The following NARS2 variants were observed in gnomAD, a reference collection of about 807,000 sequenced individuals.
NARS2 encodes asparaginyl-tRNA synthetase 2, mitochondrial, also known as asparaginyl-tRNA synthetase.
In NARS2, 60 loss-of-function variants were observed where a neutral mutation model predicts 62.9. The observed-to-expected ratio is 0.95, with a 90% CI of 0.77 to 1.18. The LOEUF (loss-of-function observed/expected upper bound fraction) is 1.18, where lower values mean the gene tolerates loss of function less well. NARS2 is among the 50% of genes most tolerant of loss of function. The pLI, the probability that NARS2 is intolerant of heterozygous loss-of-function variation, is 0.00. For synonymous variants in NARS2, 196 were observed against 200.0 expected, an observed-to-expected ratio of 0.98 and a Z score of 0.17; for missense variants, 619 against 576.4, an observed-to-expected ratio of 1.07 and a Z score of -0.76.
At chr11:78,493,790 T>C (rs1859934838) in intron 6 of NARS2, among the ~76,000 whole-genome samples, 1 of 152,128 alleles carries the variant, frequency 6.6e-6, no homozygotes, top group African/African-American at 2.4e-5. Context: ...TAACCACTTC[T>C]GGGTGCACTC....
At chr11:78,441,037 G>A (rs907571221) in intron 13 of NARS2, 54 bp downstream of exon 13, 1 of 1,549,992 alleles carries the variant, frequency 6.5e-7, no homozygotes, top group Non-Finnish European at 8.9e-7. Context: ...AACGCTTCTA[G>A]GCAACAGTCA....
rs1490425251 is a variant in NARS2, at chr11:78,493,067, A to G, written c.818T>C (p.Met273Thr). The G allele has an allele frequency of 1.2e-6, 2 of 1,610,500 alleles. No homozygotes were observed. Among genetic ancestry groups the G allele is most frequent in the African/African-American group, 2.7e-5 (2 of 74,566 alleles). ...ISFVDSLQDL[M>T]QVIEELFKAT... Reference sequence around the variant, plus strand: ...TTTTAAAACTTGTGTACCTACCTGCATAAGATCTTGAAGGCTGTCAACAAA... The same window carrying G: ...TTTTAAAACTTGTGTACCTACCTGCGTAAGATCTTGAAGGCTGTCAACAAA... Residue 273 changes from methionine to threonine, a missense_variant, in exon 7 of 14, where the codon ATG becomes ACG. Transcript: ENST00000281038.
intron 5 of NARS2, among the ~76,000 whole-genome samples, chr11:78,544,662 T>G (rs1259212893): frequency 6.6e-6 from 1 of 151,702 alleles, no homozygotes; most frequent in Non-Finnish European, 1.5e-5. Context: ...GGCGCGGTGG[T>G]GGGTGCCTGT....
chr11:78,515,445 T>A (rs1045211243), intron 6 of NARS2, among the ~76,000 whole-genome samples: 1 of 152,172 alleles, frequency 6.6e-6, no homozygotes, highest in Admixed American at 6.5e-5. Context: ...TTTGGAGTGA[T>A]AAAAATGTTA....
chr11:78,542,754 C>A (rs1244994655), intron 5 of NARS2, among the ~76,000 whole-genome samples: 2 of 152,116 alleles, frequency 1.3e-5, no homozygotes, highest in African/African-American at 4.8e-5. Flanking sequence ...TAAAAATTAG[C>A]TGGGTGTGGT....
intron 1 of NARS2, chr11:78,573,500 C>T (rs4367973): frequency 1.3e-5 from 2 of 152,062 alleles, no homozygotes; most frequent in African/African-American, 2.4e-5. Context: ...CACATCACTG[C>T]GCTCCAGTCT....
chr11:78,521,118 G>C (rs190741922), intron 6 of NARS2, among the ~76,000 whole-genome samples: 2 of 148,796 alleles, frequency 1.3e-5, no homozygotes, highest in African/African-American at 4.9e-5. Context: ...GCAAAAGTAA[G>C]ATAAATTGTC....
chr11:78,509,371 T>C (rs1459973675), intron 6 of NARS2, among the ~76,000 whole-genome samples: 1 of 152,180 alleles, frequency 6.6e-6, no homozygotes, highest in African/African-American at 2.4e-5. Flanking sequence ...CACTAGGCAT[T>C]AGCTTGAAGC....
At chr11:78,568,787 A>G in intron 2 of NARS2, 35 bp from the exon 3 acceptor site, 1 of 1,499,056 alleles carries the variant, frequency 6.7e-7, no homozygotes, top group Non-Finnish European at 9.2e-7. Flanking sequence ...ACAAGATATC[A>G]TTATATACAA....
intron 7 of NARS2, among the ~76,000 whole-genome samples, chr11:78,491,374 G>A (rs1859811737): frequency 9.5e-6 from 1 of 105,690 alleles, no homozygotes; most frequent in South Asian, 3.4e-4. Context: ...GAAGTGAAAT[G>A]CTATATTGTG....
intron 4 of NARS2, among the ~76,000 whole-genome samples, chr11:78,563,817 T>G (rs1208723481): frequency 1.3e-5 from 1 of 77,374 alleles, no homozygotes; most frequent in Non-Finnish European, 2.3e-5. Context: ...GGCAACAGAG[T>G]GAACTCTGTA....
chr11:78,559,435 G>T, intron 5 of NARS2, 104 bp downstream of exon 5: 1 of 745,494 alleles, frequency 1.3e-6, no homozygotes, highest in Non-Finnish European at 2.3e-6. Flanking sequence ...AATTTCAGGT[G>T]CTGCTCATAG....
At chr11:78,486,200 CTT>C (rs775530646) in intron 7 of NARS2, among the ~76,000 whole-genome samples, 74 of 152,014 alleles carry the variant, frequency 4.9e-4, no homozygotes, top group Non-Finnish European at 7.2e-4. Context: ...AATATTTTCT[CTT>C]GTCAGTTAGA....
At chr11:78,545,860 T>C (rs1330872116) in intron 5 of NARS2, among the ~76,000 whole-genome samples, 1 of 152,140 alleles carries the variant, frequency 6.6e-6, no homozygotes, top group Non-Finnish European at 1.5e-5. Context: ...TTGAACATCT[T>C]TTCAGTAAAG....
At chr11:78,440,344 G>A (rs1039139700) in intron 13 of NARS2, among the ~76,000 whole-genome samples, 11 of 151,966 alleles carry the variant, frequency 7.2e-5, no homozygotes, top group Non-Finnish European at 1.3e-4. Context: ...GATTACAGGC[G>A]TGAGCCACCA....
chr11:78,454,755 A>G (rs1858096941), intron 11 of NARS2, among the ~76,000 whole-genome samples: 1 of 151,410 alleles, frequency 6.6e-6, no homozygotes, highest in Non-Finnish European at 1.5e-5. Context: ...AGTAGCTGGG[A>G]TTATAGGCAC....
intron 5 of NARS2, among the ~76,000 whole-genome samples, chr11:78,545,111 T>C (rs1855808402): frequency 6.6e-6 from 1 of 152,188 alleles, no homozygotes; most frequent in East Asian, 1.9e-4. Context: ...CATAATAAAA[T>C]ACACTGATTA....
At chr11:78,498,223 T>G (rs1394075371) in intron 6 of NARS2, among the ~76,000 whole-genome samples, 1 of 152,194 alleles carries the variant, frequency 6.6e-6, no homozygotes, top group Non-Finnish European at 1.5e-5. Flanking sequence ...AGGGCCTTCC[T>G]TGTAAACACA....
chr11:78,571,945 G>A (rs769104285), intron 1 of NARS2, among the ~76,000 whole-genome samples: 2 of 152,150 alleles, frequency 1.3e-5, no homozygotes, highest in African/African-American at 2.4e-5. Flanking sequence ...ACTTTGGGAG[G>A]CCGAGAAGGA....
Sources: allele counts gnomAD v4.1 joint callset (sites outside exome capture counted in the v4.1 genomes callset), GRCh38; gene constraint gnomAD v4.1.1; transcripts MANE v1.5; gene names NCBI Gene and HGNC (gene_info 2026-07-23, HGNC 2026-07-21).